Variants in OR2S2 observed in about 807,000 individuals in gnomAD.
OR2S2 encodes the protein olfactory receptor 2S2.
For missense variants in OR2S2, 365 were observed against 389.5 expected, an observed-to-expected ratio of 0.94 and a Z score of 0.53; for synonymous variants, 153 against 159.3, an observed-to-expected ratio of 0.96 and a Z score of 0.30.
At position 35,957,301 on chromosome 9, in the gene OR2S2, C is replaced by G. The variant is rs1452977187; in HGVS notation, c.798G>C (p.Lys266Asn). Residue 266 changes from lysine (K) to asparagine (N), a missense_variant, in exon 1 of 1, where the codon AAG becomes AAC. Physicochemically the swap from Lys to Asn is moderately conservative, Grantham distance 94 (BLOSUM62 0). Transcript: ENST00000341959. ...LFFMYGKPKS[K>N]DSMGADKEDL... ...CCTCTTTGTCTGCTCCCATGGAGTC[C>G]TTAGACTTAGGCTTCCCATACATGA... 1 of 1,614,024 alleles carries G rather than the reference C, an allele frequency of 6.2e-7. No homozygotes were observed. The highest frequency in any genetic ancestry group is 2.2e-5 in the East Asian group (1 of 44,898).
Position 35,957,416 on chromosome 9 carries a change from C to A in OR2S2, c.683G>T (p.Arg228Met). ...TTTCCTCCCCTCAGCTGAGGGGATC[C>A]TCAGGATGGTGGTGATGATGAAGAC... ...SYVFIITTILRIPSAEGRKKV... is the reference protein window; with the variant it reads ...SYVFIITTILMIPSAEGRKKV... Residue 228 changes from arginine to methionine, a missense_variant, in exon 1 of 1, where the codon AGG becomes ATG. Transcript: ENST00000341959. 1 of 1,614,112 alleles carries A rather than the reference C, an allele frequency of 6.2e-7. No individual in the cohort carries two copies. The highest frequency in any genetic ancestry group is 8.5e-7 in the Non-Finnish European group (1 of 1,180,026).
At position 35,957,849 on chromosome 9, in the gene OR2S2, C is replaced by T; in HGVS notation, c.250G>A (p.Asp84Asn). The part of the protein sequence containing the change: ...FTTSSVPLVL[D>N]SFLTPQETIS... ...GTTTCCTGGGGAGTCAAAAAGCTGT[C>T]CAGGACCAGTGGGACTGAGGAGGTA... Residue 84 changes from aspartate to asparagine, a missense_variant, in exon 1 of 1, where the codon GAC (aspartate) becomes AAC (asparagine). Asp to Asn is a conservative substitution (Grantham distance 23, BLOSUM62 1). Coordinates refer to ENST00000341959, the MANE Select transcript of OR2S2 (RefSeq NM_019897.2). The T allele has an allele frequency of 6.2e-7, 1 of 1,614,116 alleles. No individual in the cohort carries two copies. The highest frequency in any genetic ancestry group is 8.5e-7 in the Non-Finnish European group (1 of 1,180,020).
Position 35,957,866 on chromosome 9 carries a change from G to C in OR2S2, c.233C>G (p.Ser78Ter). Residue 78 changes from serine (S) to a stop codon, truncating the protein, a stop_gained, in exon 1 of 1, where the codon TCA (serine) becomes TGA (stop). Coordinates refer to ENST00000341959, the MANE Select transcript of OR2S2 (RefSeq NM_019897.2). LOFTEE classifies it low-confidence loss of function (END_TRUNC). The stretch of plus-strand genomic sequence containing the variant: ...AAAGCTGTCCAGGACCAGTGGGACT[G>C]AGGAGGTAGTGAAGCAGATGTCCAG... ...SFLDICFTTS[S>*]VPLVLDSFLT... The C allele has an allele frequency of 1.9e-6, 3 of 1,614,162 alleles. No individual in the cohort carries two copies. Among genetic ancestry groups the C allele is most frequent in the Non-Finnish European group, 2.5e-6 (3 of 1,180,030 alleles).
chr9:35,958,029 G>A lies in OR2S2; in HGVS notation c.70C>T (p.Leu24=), dbSNP rs1382744863. ...ATGAGCACGAAGAATGTCTTTTCCAGCTCTGGGTGGGCAGAGAGCCTCAGG... is the reference window on the plus strand; with the variant it reads ...ATGAGCACGAAGAATGTCTTTTCCAACTCTGGGTGGGCAGAGAGCCTCAGG... ...VLLRLSAHPE[L]EKTFFVLILL... Residue 24 remains leucine (L), a synonymous_variant, in exon 1 of 1, where the codon CTG becomes TTG. Coordinates refer to ENST00000341959, the MANE Select transcript of OR2S2 (RefSeq NM_019897.2). 43 of 1,614,018 alleles carry A rather than the reference G, an allele frequency of 2.7e-5. No homozygotes were observed. The highest frequency in any genetic ancestry group is 3.4e-5 in the Non-Finnish European group (40 of 1,180,020).
rs1397893057 is a variant in OR2S2 at position 35,958,117 on chromosome 9, T to C, written c.-19A>G. ...TTTCCATGTGATATCCCCTCTGCCATCAGCAAAGTACTGAGCAGCGCATCA... is the reference window on the plus strand; with the variant it reads ...TTTCCATGTGATATCCCCTCTGCCACCAGCAAAGTACTGAGCAGCGCATCA... On this transcript the variant is annotated 5_prime_UTR_variant, in exon 1 of 1. It removes an upstream start codon present in the reference 5' UTR. Transcript: ENST00000341959. 2 of 1,604,174 alleles carry C rather than the reference T, an allele frequency of 1.2e-6. No individual in the cohort carries two copies. Among genetic ancestry groups the C allele is most frequent in the Non-Finnish European group, 1.7e-6 (2 of 1,175,236 alleles).
chr9:35,957,601 C>A lies in OR2S2; in HGVS notation c.498G>T (p.Gln166His), dbSNP rs1390760705. 6.2e-7 allele frequency: 1 copy of A among 1,614,220 alleles called. No homozygotes were observed. Among genetic ancestry groups the A allele is most frequent in the East Asian group, 2.2e-5 (1 of 44,882 alleles). The change falls in exon 1 of 1, where the codon CAG becomes CAT. Residue 166 changes from glutamine (Q) to histidine (H), a missense_variant. By Grantham distance (24) the Gln-to-His change is conservative. Transcript: ENST00000341959. The stretch of plus-strand genomic sequence containing the variant: ...TGACATTGTCTCCACAGAAGGGCAG[C>A]TGAATTGCCAAGGATGTGTGTACCA... The part of the protein sequence containing the change: ...ASVVHTSLAI[Q>H]LPFCGDNVIN...
rs201568056 is a variant in OR2S2 at position 35,958,100 on chromosome 9, T to C, written c.-2A>G. ...GGAGGTCTCATTGGCTTTTTCCATG[T>C]GATATCCCCTCTGCCATCAGCAAAG... is the stretch of plus-strand genomic sequence containing the variant. On this transcript the variant is annotated 5_prime_UTR_variant, in exon 1 of 1. Coordinates refer to ENST00000341959, the MANE Select transcript of OR2S2 (RefSeq NM_019897.2). The C allele has an allele frequency of 5.0e-6, 8 of 1,610,726 alleles. No homozygotes were observed. In the East Asian group the frequency reaches 1.8e-4, roughly 36 times the overall value.
In OR2S2 at chr9:35,957,563, G is replaced by A. The variant is rs536383369; in HGVS notation, c.536C>T (p.Thr179Ile). The change falls in exon 1 of 1, where the codon ACC becomes ATC. Residue 179 changes from threonine to isoleucine, a missense_variant. Coordinates refer to ENST00000341959, the MANE Select transcript of OR2S2 (RefSeq NM_019897.2). ...CTTTAGAACAGCCAGAATCTCACAG[G>A]TGAAGTGGTTGATGACATTGTCTCC... ...FCGDNVINHFTCEILAVLKLA... is the reference protein window; with the variant it reads ...FCGDNVINHFICEILAVLKLA... 8 of 1,614,210 alleles carry A rather than the reference G, an allele frequency of 5.0e-6. No individual in the cohort carries two copies. The East Asian group carries it at 1.3e-4, about 27-fold the overall frequency.
rs1374913042 is a variant in OR2S2 at position 35,957,824 on chromosome 9, G to A, written c.275C>T (p.Thr92Ile). The change falls in exon 1 of 1, where the codon ACC becomes ATC. Residue 92 changes from threonine (T) to isoleucine (I), a missense_variant. Coordinates refer to ENST00000341959, the MANE Select transcript of OR2S2 (RefSeq NM_019897.2). ...VLDSFLTPQE[T>I]ISFSACAVQM... Reference sequence around the variant, plus strand: ...CACAGCACAGGCTGAGAAGGAGATGGTTTCCTGGGGAGTCAAAAAGCTGTC... The same window carrying A: ...CACAGCACAGGCTGAGAAGGAGATGATTTCCTGGGGAGTCAAAAAGCTGTC... 6.2e-7 allele frequency: 1 copy of A among 1,614,214 alleles called. No homozygotes were observed. Among genetic ancestry groups the A allele is most frequent in the Non-Finnish European group, 8.5e-7 (1 of 1,180,044 alleles).
Position 35,957,319 on chromosome 9 carries a change from A to C in OR2S2, c.780T>G (p.Tyr260Ter). The C allele has an allele frequency of 2.5e-6, 4 of 1,614,170 alleles. No homozygotes were observed. The highest frequency in any genetic ancestry group is 3.4e-6 in the Non-Finnish European group (4 of 1,180,032). The change falls in exon 1 of 1, where the codon TAT (tyrosine) becomes TAG (stop). Residue 260 changes from tyrosine (Y) to a stop codon, truncating the protein, a stop_gained. Coordinates refer to ENST00000341959, the MANE Select transcript of OR2S2 (RefSeq NM_019897.2). LOFTEE classifies it low-confidence loss of function (END_TRUNC). ...IVFYGTLFFM[Y>*]GKPKSKDSMG... ...TGGAGTCCTTAGACTTAGGCTTCCC[A>C]TACATGAAGAATAAGGTCCCGTAGA...
Position 35,958,129 on chromosome 9 carries a change from T to C in OR2S2, c.-31A>G. 1 of 1,587,476 alleles carries C rather than the reference T, an allele frequency of 6.3e-7. No individual in the cohort carries two copies. The highest frequency in any genetic ancestry group is 8.6e-7 in the Non-Finnish European group (1 of 1,166,536). Reference sequence around the variant, plus strand: ...ATCCCCTCTGCCATCAGCAAAGTACTGAGCAGCGCATCAGGCTTTTTGGGA... The same window carrying C: ...ATCCCCTCTGCCATCAGCAAAGTACCGAGCAGCGCATCAGGCTTTTTGGGA... On this transcript the variant is annotated 5_prime_UTR_variant, in exon 1 of 1. Transcript: ENST00000341959.
In OR2S2 at chr9:35,957,169, T is replaced by C. The variant is rs1833564648; in HGVS notation, c.930A>G (p.Arg310=). The stretch of plus-strand genomic sequence containing the variant: ...GAGTGAAGCCTTTTGGTCTCAGCAG[T>C]CTCCTCACAGCAGCCTTCACATCCT... The part of the protein sequence containing the change: ...RNKDVKAAVR[R]LLRPKGFTQ The change falls in exon 1 of 1, where the codon AGA becomes AGG. Residue 310 remains arginine (R), a synonymous_variant. Coordinates refer to ENST00000341959, the MANE Select transcript of OR2S2 (RefSeq NM_019897.2). 1.2e-6 allele frequency: 2 copies of C among 1,608,730 alleles called. No homozygotes were observed. The highest frequency in any genetic ancestry group is 1.7e-5 in the Admixed American group (1 of 59,610).
chr9:35,957,169 T>A lies in OR2S2; in HGVS notation c.930A>T (p.Arg310Ser). The change falls in exon 1 of 1, where the codon AGA becomes AGT. Residue 310 changes from arginine to serine, a missense_variant. Physicochemically the swap from Arg to Ser is moderately radical, Grantham distance 110. Coordinates refer to ENST00000341959, the MANE Select transcript of OR2S2 (RefSeq NM_019897.2). ...RNKDVKAAVR[R>S]LLRPKGFTQ Reference sequence around the variant, plus strand: ...GAGTGAAGCCTTTTGGTCTCAGCAGTCTCCTCACAGCAGCCTTCACATCCT... The same window carrying A: ...GAGTGAAGCCTTTTGGTCTCAGCAGACTCCTCACAGCAGCCTTCACATCCT... The A allele has an allele frequency of 6.2e-7, 1 of 1,608,848 alleles. No individual in the cohort carries two copies. Among genetic ancestry groups the A allele is most frequent in the Non-Finnish European group, 8.5e-7 (1 of 1,176,848 alleles).
Position 35,957,530 on chromosome 9 carries a change from C to T in OR2S2, c.569G>A (p.Cys190Tyr). Reference protein sequence around the residue: ...CEILAVLKLACADISINVISM... With the variant: ...CEILAVLKLAYADISINVISM... The stretch of plus-strand genomic sequence containing the variant: ...GATCACATTGATGGAAATGTCAGCA[C>T]AGGCCAACTTTAGAACAGCCAGAAT... The change falls in exon 1 of 1, where the codon TGT (cysteine) becomes TAT (tyrosine). Residue 190 changes from cysteine to tyrosine, a missense_variant. Physicochemically the swap from Cys to Tyr is radical, Grantham distance 194. Coordinates refer to ENST00000341959, the MANE Select transcript of OR2S2 (RefSeq NM_019897.2). The T allele has an allele frequency of 1.2e-6, 2 of 1,614,218 alleles. No homozygotes were observed. Among genetic ancestry groups the T allele is most frequent in the East Asian group, 2.2e-5 (1 of 44,882 alleles).
chr9:35,957,558 C>T lies in OR2S2; in HGVS notation c.541G>A (p.Glu181Lys). 6.2e-7 allele frequency: 1 copy of T among 1,614,200 alleles called. No individual in the cohort carries two copies. ...GCCAACTTTAGAACAGCCAGAATCT[C>T]ACAGGTGAAGTGGTTGATGACATTG... ...GDNVINHFTCEILAVLKLACA... is the reference protein window; with the variant it reads ...GDNVINHFTCKILAVLKLACA... The change falls in exon 1 of 1, where the codon GAG (glutamate) becomes AAG (lysine). Residue 181 changes from glutamate to lysine, a missense_variant. Physicochemically the swap from Glu to Lys is moderately conservative, Grantham distance 56. Coordinates refer to ENST00000341959, the MANE Select transcript of OR2S2 (RefSeq NM_019897.2).
chr9:35,957,977 A>C lies in OR2S2; in HGVS notation c.122T>G (p.Leu41Arg). 1.9e-6 allele frequency: 3 copies of C among 1,614,230 alleles called. No homozygotes were observed. The change falls in exon 1 of 1, where the codon CTG (leucine) becomes CGG (arginine). Residue 41 changes from leucine (L) to arginine (R), a missense_variant. Coordinates refer to ENST00000341959, the MANE Select transcript of OR2S2 (RefSeq NM_019897.2). ...CACCAGGATGAGGACCCCATTGCCC[A>C]GCAGGATCACGAGGTACATCAGCAG... ...LILLMYLVIL[L>R]GNGVLILVTI...
rs76983156 is a variant in OR2S2, at chr9:35,957,727, A to T, written c.372T>A (p.Tyr124Ter). 203 of 1,614,232 alleles carry T rather than the reference A, an allele frequency of 1.3e-4. 1 individual carries two copies. In the East Asian group the frequency reaches 4.2e-3, roughly 34 times the overall value. The change falls in exon 1 of 1, where the codon TAT (tyrosine) becomes TAA (stop). Residue 124 changes from tyrosine (Y) to a stop codon, truncating the protein, a stop_gained. Coordinates refer to ENST00000341959, the MANE Select transcript of OR2S2 (RefSeq NM_019897.2). LOFTEE classifies it low-confidence loss of function (END_TRUNC). ...ACCTAAGGGGGTTGCAGATGGCCAC[A>T]TAGCGATCAAATGCCATCATGCTCA... ...LLLSMMAFDR[Y>*]VAICNPLRYS...
chr9:35,958,008 G>A lies in OR2S2; in HGVS notation c.91C>T (p.Leu31Phe), dbSNP rs763796310. Residue 31 changes from leucine (L) to phenylalanine (F), a missense_variant, in exon 1 of 1, where the codon CTC becomes TTC. By Grantham distance (22) the Leu-to-Phe change is conservative. Coordinates refer to ENST00000341959, the MANE Select transcript of OR2S2 (RefSeq NM_019897.2). ...ATCACGAGGTACATCAGCAGGATGAGCACGAAGAATGTCTTTTCCAGCTCT... is the reference window on the plus strand; with the variant it reads ...ATCACGAGGTACATCAGCAGGATGAACACGAAGAATGTCTTTTCCAGCTCT... The part of the protein sequence containing the change: ...HPELEKTFFV[L>F]ILLMYLVILL... The A allele has an allele frequency of 1.2e-6, 2 of 1,614,210 alleles. No homozygotes were observed. The highest frequency in any genetic ancestry group is 1.1e-5 in the South Asian group (1 of 91,078).
Position 35,957,921 on chromosome 9 carries a change from T to C in OR2S2, c.178A>G (p.Met60Val). ...GAGAGGTTCCCTAGGAAGAAGTACA[T>C]GGGCGTGTGCAGGCGGGAGTCAAGG... ...TILDSRLHTP[M>V]YFFLGNLSFL... is the part of the protein sequence containing the mutation. Residue 60 changes from methionine to valine, a missense_variant, in exon 1 of 1, where the codon ATG becomes GTG. By Grantham distance (21) the Met-to-Val change is conservative (BLOSUM62 1). Coordinates refer to ENST00000341959, the MANE Select transcript of OR2S2 (RefSeq NM_019897.2). The C allele has an allele frequency of 6.2e-7, 1 of 1,614,086 alleles. No individual in the cohort carries two copies. The highest frequency in any genetic ancestry group is 8.5e-7 in the Non-Finnish European group (1 of 1,179,998).
Sources: gnomAD v4.1 joint callset for allele counts on GRCh38, gnomAD v4.1.1 for gene constraint, MANE v1.5 for transcripts, NCBI Gene and HGNC (gene_info 2026-07-23, HGNC 2026-07-21) for gene names.